Variants in CEP112 observed in about 807,000 individuals in gnomAD.
CEP112 encodes the protein centrosomal protein of 112 kDa.
CEP112 carries 127 observed loss-of-function variants against 153.0 expected under a neutral mutation model. That is an observed-to-expected ratio of 0.83 (90% CI 0.72 to 0.96). CEP112 has a LOEUF of 0.96. CEP112 is among the 40% of genes least tolerant of loss of function. The probability of loss-of-function intolerance (pLI) is 0.00; values close to 1 mark genes in which losing one functional copy is unlikely to be tolerated. For missense variants in CEP112, 1,089 were observed against 1,101.2 expected (o/e 0.99, Z 0.16); for synonymous variants, 358 against 374.4 (o/e 0.96, Z 0.51).
chr17:65,653,815 C>A (rs1005247516), intron 24 of CEP112, among the ~76,000 whole-genome samples: 4 of 151,970 alleles, frequency 2.6e-5, no homozygotes, highest in Non-Finnish European at 5.9e-5. Context: ...AATCCCAGCA[C>A]TTTGGGAGCC....
intron 24 of CEP112, among the ~76,000 whole-genome samples, chr17:65,642,446 A>G (rs912643897): frequency 6.6e-6 from 1 of 152,118 alleles, no homozygotes; most frequent in Admixed American, 6.5e-5. Context: ...GTGCTTAACA[A>G]TTCATTTCAT....
chr17:65,970,183 A>G (rs561137835), intron 17 of CEP112, among the ~76,000 whole-genome samples: 2 of 149,728 alleles, frequency 1.3e-5, no homozygotes, highest in African/African-American at 4.9e-5. Context: ...CATTTGTATT[A>G]CATGCATATA....
chr17:65,936,489 C>A (rs2061311135), intron 18 of CEP112, among the ~76,000 whole-genome samples: 1 of 152,072 alleles, frequency 6.6e-6, no homozygotes, highest in Non-Finnish European at 1.5e-5. Flanking sequence ...AGGCCAATAT[C>A]CCTAATGAAC....
chr17:65,687,160 ATTTTTTTTTTTTT>A (rs35675811), intron 24 of CEP112, among the ~76,000 whole-genome samples: 1 of 90,142 alleles, frequency 1.1e-5, no homozygotes, highest in Non-Finnish European at 2.0e-5. Context: ...GTTATTATTA[ATTTTTTTTTTTTT>A]TTTTTTTTTT....
intron 21 of CEP112, among the ~76,000 whole-genome samples, chr17:65,791,354 G>C (rs569220220): frequency 1.5e-4 from 23 of 152,162 alleles, no homozygotes; most frequent in Non-Finnish European, 4.4e-5. Flanking sequence ...TTTTTCTACT[G>C]AATCAGCCAC....
At chr17:66,069,385 TAA>T (rs5821544) in intron 9 of CEP112, among the ~76,000 whole-genome samples, 6,748 of 151,646 alleles carry the variant, frequency 0.044, 524 homozygotes, top group African/African-American at 0.15. Flanking sequence ...GAAAAAAAAA[TAA>T]GTTTTATTTG....
chr17:65,651,337 T>G (rs2143612836), intron 24 of CEP112, among the ~76,000 whole-genome samples: 1 of 152,334 alleles, frequency 6.6e-6, no homozygotes, highest in African/African-American at 2.4e-5. Flanking sequence ...ACTCATTGAT[T>G]GATGGACATC....
intron 20 of CEP112, among the ~76,000 whole-genome samples, chr17:65,898,492 G>A (rs572139769): frequency 1.3e-5 from 2 of 152,058 alleles, no homozygotes; most frequent in East Asian, 1.9e-4. Flanking sequence ...TCTACATTTC[G>A]GAATCAGTGA....
At chr17:65,950,699 C>CTATTATTAGTAGTAGTAGTAG (rs57598697) in intron 18 of CEP112, among the ~76,000 whole-genome samples, 41 of 147,182 alleles carry the variant, frequency 2.8e-4, no homozygotes, top group East Asian at 2.7e-3. Flanking sequence ...GGATACATTA[C>CTATTATTAGTAGTAGTAGTAG]TAGTAGTAGT....
chr17:66,135,519 AG>A (rs2070395065), intron 4 of CEP112, among the ~76,000 whole-genome samples: 1 of 152,164 alleles, frequency 6.6e-6, no homozygotes, highest in Admixed American at 6.6e-5. Flanking sequence ...CAATTGGTAC[AG>A]GGGACCTGAT....
At chr17:65,960,045 C>T (rs1302744859) in intron 18 of CEP112, among the ~76,000 whole-genome samples, 1 of 152,214 alleles carries the variant, frequency 6.6e-6, no homozygotes, top group Non-Finnish European at 1.5e-5. Context: ...CAGATTCAAA[C>T]ATGAAACCTT....
chr17:66,183,930 T>C (rs1568591617), intron 1 of CEP112, among the ~76,000 whole-genome samples: 1 of 152,048 alleles, frequency 6.6e-6, no homozygotes, highest in African/African-American at 2.4e-5. Context: ...ATTTCTTATA[T>C]ACAACATTAA....
intron 8 of CEP112, among the ~76,000 whole-genome samples, chr17:66,089,823 C>G (rs150816883): frequency 9.2e-5 from 14 of 152,108 alleles, no homozygotes; most frequent in African/African-American, 3.1e-4. Flanking sequence ...TATCCTGGTA[C>G]AAAAAGGTCA....
At chr17:65,900,001 C>T (rs2059789681) in intron 20 of CEP112, among the ~76,000 whole-genome samples, 1 of 152,096 alleles carries the variant, frequency 6.6e-6, no homozygotes, top group Non-Finnish European at 1.5e-5. Context: ...TTATACATTA[C>T]ATTATTTAGA....
intron 22 of CEP112, among the ~76,000 whole-genome samples, chr17:65,744,479 T>G (rs964254902): frequency 6.6e-6 from 1 of 151,540 alleles, no homozygotes; most frequent in East Asian, 2.0e-4. Flanking sequence ...ATTCCTGACC[T>G]TGTGATCTGC....
intron 21 of CEP112, among the ~76,000 whole-genome samples, chr17:65,752,347 GC>G: frequency 6.6e-6 from 1 of 152,220 alleles, no homozygotes; most frequent in South Asian, 2.1e-4. Context: ...TTACAAAGGG[GC>G]CTGGACTCTC....
intron 19 of CEP112, among the ~76,000 whole-genome samples, chr17:65,926,266 A>G (rs2060920123): frequency 6.6e-6 from 1 of 152,166 alleles, no homozygotes; most frequent in Non-Finnish European, 1.5e-5. Flanking sequence ...AGACTGGAAT[A>G]CTATTCCTCC....
rs978249668 is a variant in CEP112 at position 66,012,896 on chromosome 17, A to G, written c.1657-7127T>C. Among the ~76,000 whole-genome samples, 8 of 151,626 alleles carry G rather than the reference A, an allele frequency of 5.3e-5. No homozygotes were observed. In the East Asian group the frequency reaches 1.2e-3, roughly 22 times the overall value. ...ATTTGGTCTCTTCACATAATCCCGT[A>G]TTTCTCTGAAGTTGTTTTCATTTTA... On this transcript the variant is annotated intron_variant, in intron 16 of 26. Coordinates refer to ENST00000535342, the MANE Select transcript of CEP112 (RefSeq NM_001199165.4).
At chr17:65,912,686 A>C (rs2060332963) in intron 19 of CEP112, among the ~76,000 whole-genome samples, 1 of 152,200 alleles carries the variant, frequency 6.6e-6, no homozygotes, top group South Asian at 2.1e-4. Flanking sequence ...AACATGCCAC[A>C]TTTTTTAAAA....
Sources: gnomAD v4.1 joint callset for allele counts (sites outside exome capture counted in the v4.1 genomes callset) on GRCh38, gnomAD v4.1.1 for gene constraint, MANE v1.5 for transcripts, NCBI Gene and HGNC (gene_info 2026-07-23, HGNC 2026-07-21) for gene names.